The following FIG4 variants were observed in gnomAD, a reference collection of about 807,000 sequenced individuals.
FIG4 encodes the protein FIG4 phosphoinositide 5-phosphatase, also known as polyphosphoinositide phosphatase.
A neutral mutation model predicts 118.6 loss-of-function variants in FIG4; 112 were observed. The observed-to-expected ratio is 0.94, with a 90% CI of 0.81 to 1.11. The LOEUF (loss-of-function observed/expected upper bound fraction) is 1.11. Ranked by LOEUF, FIG4 falls within the 50% of genes least tolerant of loss-of-function variation. The pLI is 0.00. For missense variants in FIG4, 969 were observed against 1,111.7 expected, an observed-to-expected ratio of 0.87 and a Z score of 1.83; for synonymous variants, 369 against 381.2, an observed-to-expected ratio of 0.97 and a Z score of 0.37.
chr6:109,724,834 C>T (rs71541011), intron 3 of FIG4, among the ~76,000 whole-genome samples: 6 of 138,770 alleles, frequency 4.3e-5, no homozygotes, highest in African/African-American at 5.9e-5. Flanking sequence ...TGTGTGTGTA[C>T]ATATATATAT....
rs567829127 is a variant in FIG4 at position 109,814,775 on chromosome 6, G to A, written c.2547-10313G>A. Among the ~76,000 whole-genome samples the A allele has an allele frequency of 2.0e-4, 31 of 152,198 alleles. No homozygotes were observed. The South Asian group carries it at 2.9e-3, about 14-fold the overall frequency. ...ACTTCTTTGATTTCTGGCACAAGATGTTCTAGGCTCATCATGTCCTTTGTC... is the reference window on the plus strand; with the variant it reads ...ACTTCTTTGATTTCTGGCACAAGATATTCTAGGCTCATCATGTCCTTTGTC... On this transcript the variant is annotated intron_variant, in intron 22 of 22. Coordinates refer to ENST00000230124, the MANE Select transcript of FIG4 (RefSeq NM_014845.6).
chr6:109,739,375 A>G (rs943638703), intron 7 of FIG4, among the ~76,000 whole-genome samples: 1 of 152,114 alleles, frequency 6.6e-6, no homozygotes, highest in Non-Finnish European at 1.5e-5. Context: ...GATTTTTTCT[A>G]TCACCTTTTG....
rs750085102 is a variant in FIG4 at position 109,691,508 on chromosome 6, ACC to A, written c.66+11_66+12del. On this transcript the variant is annotated splice_region_variant and intron_variant, in intron 1 of 22. Transcript: ENST00000230124. The stretch of plus-strand genomic sequence containing the variant: ...TCTGTATGAGACTAGAGCTGTGAGT[ACC>A]CCCTCGCGGCGGGGCGCAGGCGGGA... 2 of 1,569,542 alleles carry A rather than the reference ACC, an allele frequency of 1.3e-6. No individual in the cohort carries two copies. The highest frequency in any genetic ancestry group is 4.7e-5 in the East Asian group (2 of 42,558).
intron 15 of FIG4, among the ~76,000 whole-genome samples, chr6:109,769,454 CATG>C (rs1369236906): frequency 6.6e-6 from 1 of 151,974 alleles, no homozygotes; most frequent in African/African-American, 2.4e-5. Flanking sequence ...TTTTAAGAAG[CATG>C]ATATCATTGG....
chr6:109,727,532 C>A (rs1307158400), intron 4 of FIG4, among the ~76,000 whole-genome samples: 5 of 152,012 alleles, frequency 3.3e-5, no homozygotes, highest in Non-Finnish European at 7.4e-5. Context: ...TAGCAATTGG[C>A]AAGAATCAAC....
In FIG4 at chr6:109,815,560, A is replaced by T. The variant is rs1778840362; in HGVS notation, c.2547-9528A>T. On this transcript the variant is annotated intron_variant, in intron 22 of 22. Coordinates refer to ENST00000230124, the MANE Select transcript of FIG4 (RefSeq NM_014845.6). ...GCTGCTTGGTACCACCATCCCCCAGACTGTCACAGGCTGCCTCTCCATGCA... is the reference window on the plus strand; with the variant it reads ...GCTGCTTGGTACCACCATCCCCCAGTCTGTCACAGGCTGCCTCTCCATGCA... 2.6e-5 allele frequency among the ~76,000 whole-genome samples: 3 copies of T among 115,436 alleles called. No homozygotes were observed. In the South Asian group the frequency reaches 9.5e-4, roughly 36 times the overall value. 75.7% of individuals were successfully genotyped at this position (115,436 alleles called of 152,430 possible).
intron 3 of FIG4, 98 bp downstream of exon 3, chr6:109,716,666 A>T (rs1423803717): frequency 4.4e-6 from 6 of 1,361,500 alleles, no homozygotes; most frequent in Non-Finnish European, 6.2e-6. Context: ...TAAGGCTTTA[A>T]AATTATAATT....
At chr6:109,697,413 G>C (rs1172873931) in intron 1 of FIG4, among the ~76,000 whole-genome samples, 1 of 152,182 alleles carries the variant, frequency 6.6e-6, no homozygotes, top group Non-Finnish European at 1.5e-5. Flanking sequence ...AGAAATGGCA[G>C]ATTTACTTCC....
chr6:109,716,848 A>C (rs73535347), intron 3 of FIG4, among the ~76,000 whole-genome samples: 1 of 152,186 alleles, frequency 6.6e-6, no homozygotes, highest in African/African-American at 2.4e-5. Context: ...TTGATGAATG[A>C]AAAAGTAAAA....
At chr6:109,753,105 C>G (rs1053330232) in intron 10 of FIG4, among the ~76,000 whole-genome samples, 1 of 152,094 alleles carries the variant, frequency 6.6e-6, no homozygotes, top group Non-Finnish European at 1.5e-5. Context: ...AATCCTTTCC[C>G]CATTGCTTGT....
intron 7 of FIG4, among the ~76,000 whole-genome samples, chr6:109,741,191 A>G (rs1309654039): frequency 1.3e-5 from 2 of 152,088 alleles, no homozygotes; most frequent in African/African-American, 4.8e-5. Flanking sequence ...CAGTAACCCT[A>G]CACCTGGTTA....
chr6:109,809,688 A>G (rs1031249774), intron 22 of FIG4, among the ~76,000 whole-genome samples: 2 of 152,200 alleles, frequency 1.3e-5, no homozygotes, highest in African/African-American at 4.8e-5. Context: ...CTTATTTTCT[A>G]TGATTTATGA....
chr6:109,705,109 G>GA (rs1273456957), intron 1 of FIG4, among the ~76,000 whole-genome samples: 4 of 151,978 alleles, frequency 2.6e-5, no homozygotes, highest in East Asian at 1.9e-4. Flanking sequence ...TAAAAATTGG[G>GA]AAAAAAATCA....
intron 1 of FIG4, among the ~76,000 whole-genome samples, chr6:109,705,258 A>G (rs1775028763): frequency 6.6e-6 from 1 of 152,214 alleles, no homozygotes; most frequent in African/African-American, 2.4e-5. Context: ...TAGGAAGGAA[A>G]TAAGAACGAG....
intron 15 of FIG4, among the ~76,000 whole-genome samples, chr6:109,774,542 T>C (rs9481004): frequency 1.3e-5 from 2 of 152,032 alleles, no homozygotes; most frequent in Non-Finnish European, 2.9e-5. Context: ...TATATAGATA[T>C]ATATTTGCCA....
rs186649305 is a variant in FIG4, at chr6:109,732,082, C to T, written c.447-555C>T. Among the ~76,000 whole-genome samples the T allele has an allele frequency of 2.9e-3, 434 of 152,140 alleles. 1 individual carries two copies. The highest frequency in any genetic ancestry group is 0.01 in the Middle Eastern group (3 of 294). ...ATGGTTGCATTTGGAGTGAGAGAGC[C>T]GGACTGGGGAAGTCTAAAGGGAATG... On this transcript the variant is annotated intron_variant, in intron 4 of 22. Transcript: ENST00000230124.
chr6:109,715,229 A>G (rs1199382265), intron 2 of FIG4, 53 bp downstream of exon 2: 1 of 862,056 alleles, frequency 1.2e-6, no homozygotes, highest in Non-Finnish European at 2.0e-6. Context: ...TGTTGTTTAA[A>G]GGACATGAAA....
intron 8 of FIG4, among the ~76,000 whole-genome samples, chr6:109,742,557 CAG>C (rs996526132): frequency 1.4e-4 from 22 of 152,042 alleles, no homozygotes; most frequent in Non-Finnish European, 1.5e-4. Flanking sequence ...TTTAAAATAT[CAG>C]AATTTTGCAG....
At chr6:109,707,658 G>A (rs553856165) in intron 1 of FIG4, among the ~76,000 whole-genome samples, 2 of 151,730 alleles carry the variant, frequency 1.3e-5, no homozygotes, top group Admixed American at 6.6e-5. Context: ...TCTTTCCTGC[G>A]CTGATTTCCT....
Sources: allele counts gnomAD v4.1 joint callset (sites outside exome capture counted in the v4.1 genomes callset), GRCh38; gene constraint gnomAD v4.1.1; transcripts MANE v1.5; gene names NCBI Gene and HGNC (gene_info 2026-07-23, HGNC 2026-07-21).